The following STAC3 variants were observed in gnomAD, a reference collection of about 807,000 sequenced individuals.
The protein encoded by STAC3 is SH3 and cysteine rich domain 3.
STAC3 carries 30 observed loss-of-function variants against 48.5 expected under a neutral mutation model. The ratio of observed to expected loss-of-function variants is 0.62; its 90% CI spans 0.46 to 0.84. The LOEUF (loss-of-function observed/expected upper bound fraction) is 0.84. STAC3 is among the 40% of genes least tolerant of loss of function. STAC3 has a pLI of 0.00. For missense variants in STAC3, 419 were observed against 462.6 expected, an observed-to-expected ratio of 0.91 and a Z score of 0.86; for synonymous variants, 144 against 158.6, an observed-to-expected ratio of 0.91 and a Z score of 0.69.
rs747040976 is a variant in STAC3, at chr12:57,244,359, C to T, written c.814G>A (p.Glu272Lys). ...EKDDLDFPPG[E>K]KITVIDDSNE... ...GAGTCATCAATGACTGTGATCTTCT[C>T]TCCTGGCCTGGGAGGGGAAGGGAGG... is the stretch of plus-strand genomic sequence containing the variant. Residue 272 changes from glutamate to lysine, a missense_variant, in exon 10 of 12, where the codon GAG becomes AAG. By Grantham distance (56) the Glu-to-Lys change is moderately conservative (BLOSUM62 1). Coordinates refer to ENST00000332782, the MANE Select transcript of STAC3 (RefSeq NM_145064.3). 1.9e-6 allele frequency: 3 copies of T among 1,614,054 alleles called. No individual in the cohort carries two copies. Among genetic ancestry groups the T allele is most frequent in the African/African-American group, 2.7e-5 (2 of 74,938 alleles).
chr12:57,243,939 G>A, intron 11 of STAC3, 29 bp from the exon 12 acceptor site: 1 of 1,611,938 alleles, frequency 6.2e-7, no homozygotes, highest in Non-Finnish European at 8.5e-7. Context: ...AGAAGTAGGA[G>A]AGGAATCAAA....
At position 57,243,823 on chromosome 12, in the gene STAC3, C is replaced by G; in HGVS notation, c.1084G>C (p.Glu362Gln). Residue 362 changes from glutamate (E) to glutamine (Q), a missense_variant, in exon 12 of 12, where the codon GAG becomes CAG. Glu to Gln is a conservative substitution (Grantham distance 29). Coordinates refer to ENST00000332782, the MANE Select transcript of STAC3 (RefSeq NM_145064.3). ...AGGCGCCCGCACGCCTAAATTTCCT[C>G]TAGAAAGTCGGTGGGAAACAGCCCC... ...KVGLFPTDFL[E>Q]EI 1 of 1,614,044 alleles carries G rather than the reference C, an allele frequency of 6.2e-7. No individual in the cohort carries two copies. Among genetic ancestry groups the G allele is most frequent in the Non-Finnish European group, 8.5e-7 (1 of 1,179,998 alleles).
chr12:57,246,946 G>T (rs2037755535), intron 5 of STAC3, 45 bp from the exon 6 acceptor site: 1 of 1,577,058 alleles, frequency 6.3e-7, no homozygotes, highest in South Asian at 1.1e-5. Flanking sequence ...GGAAGGCAGA[G>T]AAAGGCTTGG....
Position 57,244,407 on chromosome 12 carries a change from C to T in STAC3, c.807-41G>A, listed in dbSNP as rs753417395. ...AGGGGCCTCACTCACATAGCAGGTC[C>T]CCTGCTGTGCCCCGGGTCCAGCATC... On this transcript the variant is annotated intron_variant, in intron 9 of 11. Transcript: ENST00000332782. 1.3e-5 allele frequency: 21 copies of T among 1,612,150 alleles called. 1 individual carries two copies. The South Asian group carries it at 2.1e-4, about 16-fold the overall frequency.
intron 2 of STAC3, 127 bp from the exon 3 acceptor site, chr12:57,249,435 G>T: frequency 1.3e-6 from 2 of 1,482,470 alleles, no homozygotes; most frequent in African/African-American, 1.4e-5. Context: ...GGATTAGGGG[G>T]GTATTGGTAT....
chr12:57,244,936 T>G lies in STAC3; in HGVS notation c.700A>C (p.Lys234Gln), dbSNP rs1268225977. ...GNPEGDKKAE[K>Q]KTPDDKHKQP... The stretch of plus-strand genomic sequence containing the variant: ...CTTACCTTGTCATCAGGTGTCTTCT[T>G]CTCAGCCTTCTTATCCCCTTCAGGG... The change falls in exon 8 of 12, where the codon AAG (lysine) becomes CAG (glutamine). Residue 234 changes from lysine (K) to glutamine (Q), a missense_variant. Lys to Gln is a moderately conservative substitution (Grantham distance 53). Transcript: ENST00000332782. The G allele has an allele frequency of 2.5e-6, 4 of 1,614,174 alleles. No homozygotes were observed. Among genetic ancestry groups the G allele is most frequent in the African/African-American group, 1.3e-5 (1 of 75,020 alleles).
At chr12:57,245,622 G>A (rs898405081) in intron 6 of STAC3, among the ~76,000 whole-genome samples, 5 of 151,898 alleles carry the variant, frequency 3.3e-5, no homozygotes, top group Admixed American at 6.6e-5. Flanking sequence ...CACCAGCCTC[G>A]GCCTCCCAAA....
At position 57,244,555 on chromosome 12, in the gene STAC3, T is replaced by G; in HGVS notation, c.788A>C (p.Lys263Thr). The change falls in exon 9 of 12, where the codon AAG becomes ACG. Residue 263 changes from lysine to threonine, a missense_variant. Coordinates refer to ENST00000332782, the MANE Select transcript of STAC3 (RefSeq NM_145064.3). ...CTCTCACGGGAAATCCAGATCGTCCTTCTCCAGGGCTTTGAACCGATAGAG... is the reference window on the plus strand; with the variant it reads ...CTCTCACGGGAAATCCAGATCGTCCGTCTCCAGGGCTTTGAACCGATAGAG... ...VALYRFKALE[K>T]DDLDFPPGEK... 6.2e-7 allele frequency: 1 copy of G among 1,614,246 alleles called. No homozygotes were observed. The highest frequency in any genetic ancestry group is 8.5e-7 in the Non-Finnish European group (1 of 1,180,046).
At chr12:57,249,809 G>T in intron 1 of STAC3, 172 bp from the exon 2 acceptor site, 1 of 653,142 alleles carries the variant, frequency 1.5e-6, no homozygotes, top group Non-Finnish European at 2.6e-6. Context: ...AGGCTGGAGT[G>T]CAGTGGCGTG....
rs2037835315 is a variant in STAC3 at position 57,249,067 on chromosome 12, C to T, written c.308G>A (p.Cys103Tyr). ...KDHFFKKPKF[C>Y]DVCARMIVLN... Reference sequence around the variant, plus strand: ...AACAATCATCCGGGCACAGACATCACAGAACTTTGGCTTCTTGAAGAAGTG... The same window carrying T: ...AACAATCATCCGGGCACAGACATCATAGAACTTTGGCTTCTTGAAGAAGTG... Residue 103 changes from cysteine to tyrosine, a missense_variant, in exon 3 of 12, where the codon TGT becomes TAT. By Grantham distance (194) the Cys-to-Tyr change is radical (BLOSUM62 -2). Transcript: ENST00000332782. 2.5e-6 allele frequency: 4 copies of T among 1,604,424 alleles called. No homozygotes were observed. Among genetic ancestry groups the T allele is most frequent in the Non-Finnish European group, 3.4e-6 (4 of 1,174,914 alleles).
At chr12:57,249,541 C>CT (rs2037850260) in intron 2 of STAC3, 30 bp downstream of exon 2, 6 of 1,612,710 alleles carry the variant, frequency 3.7e-6, no homozygotes, top group Non-Finnish European at 5.1e-6. Flanking sequence ...CCCAGCCCCC[C>CT]ACACCCAGTG....
chr12:57,247,321 C>T (rs2037765280), intron 5 of STAC3, among the ~76,000 whole-genome samples: 1 of 151,888 alleles, frequency 6.6e-6, no homozygotes, highest in Non-Finnish European at 1.5e-5. Flanking sequence ...TCTTTTTCAC[C>T]CATGCTCTTC....
At chr12:57,246,100 A>ACT (rs1363687139) in intron 6 of STAC3, among the ~76,000 whole-genome samples, 14 of 133,374 alleles carry the variant, frequency 1.0e-4, no homozygotes, top group African/African-American at 4.0e-4. Flanking sequence ...CAAGAGCGAA[A>ACT]CTCTATCTCA....
At chr12:57,249,462 T>C (rs2037847757) in intron 2 of STAC3, 109 bp downstream of exon 2, 1 of 1,519,952 alleles carries the variant, frequency 6.6e-7, no homozygotes, top group Non-Finnish European at 9.0e-7. Context: ...CTGCAGGTGC[T>C]GGCCAGCAAA....
Position 57,244,915 on chromosome 12 carries a change from C to G in STAC3, c.720+1G>C, listed in dbSNP as rs112372090. The G allele has an allele frequency of 6.2e-7, 1 of 1,614,146 alleles. No homozygotes were observed. Among genetic ancestry groups the G allele is most frequent in the Non-Finnish European group, 8.5e-7 (1 of 1,180,020 alleles). Reference sequence around the variant, plus strand: ...TCCTTGCAGGGAGGAAGGATTCTTACCTTGTCATCAGGTGTCTTCTTCTCA... The same window carrying G: ...TCCTTGCAGGGAGGAAGGATTCTTAGCTTGTCATCAGGTGTCTTCTTCTCA... On this transcript the variant is annotated splice_donor_variant, in intron 8 of 11. Coordinates refer to ENST00000332782, the MANE Select transcript of STAC3 (RefSeq NM_145064.3). LOFTEE classifies it high-confidence loss of function.
chr12:57,249,983 C>T (rs1445126459), intron 1 of STAC3, among the ~76,000 whole-genome samples: 2 of 152,190 alleles, frequency 1.3e-5, no homozygotes, highest in Non-Finnish European at 2.9e-5. Context: ...CTAGCTCAAG[C>T]AATCTTCCTG....
chr12:57,244,907 G>T lies in STAC3; in HGVS notation c.720+9C>A. 1 of 1,614,132 alleles carries T rather than the reference G, an allele frequency of 6.2e-7. No individual in the cohort carries two copies. The stretch of plus-strand genomic sequence containing the variant: ...AACTGGGTTCCTTGCAGGGAGGAAG[G>T]ATTCTTACCTTGTCATCAGGTGTCT... On this transcript the variant is annotated intron_variant, in intron 8 of 11. Coordinates refer to ENST00000332782, the MANE Select transcript of STAC3 (RefSeq NM_145064.3).
In STAC3 at chr12:57,249,128, T is replaced by C; in HGVS notation, c.247A>G (p.Lys83Glu). The part of the protein sequence containing the change: ...EEEEPPPEPP[K>E]LVNDKPHKFK... ...TTGTGGGGCTTATCGTTGACCAGCT[T>C]AGGAGGTTCTGGGGGTGGCTCCTCC... is the stretch of plus-strand genomic sequence containing the variant. Residue 83 changes from lysine (K) to glutamate (E), a missense_variant, in exon 3 of 12, where the codon AAG becomes GAG. Lys to Glu is a moderately conservative substitution (Grantham distance 56). Coordinates refer to ENST00000332782, the MANE Select transcript of STAC3 (RefSeq NM_145064.3). 6.2e-7 allele frequency: 1 copy of C among 1,614,012 alleles called. No homozygotes were observed. The highest frequency in any genetic ancestry group is 8.5e-7 in the Non-Finnish European group (1 of 1,179,980).
intron 11 of STAC3, 60 bp downstream of exon 11, chr12:57,244,028 A>C (rs1441432295): frequency 6.2e-7 from 1 of 1,612,552 alleles, no homozygotes. Context: ...TAAGCTCTCC[A>C]AGGAGTGTGG....
Sources: allele counts gnomAD v4.1 joint callset (sites outside exome capture counted in the v4.1 genomes callset), GRCh38; gene constraint gnomAD v4.1.1; transcripts MANE v1.5; gene names NCBI Gene and HGNC (gene_info 2026-07-23, HGNC 2026-07-21).